Variants in MAP4K4 observed in about 807,000 individuals in gnomAD.
The protein encoded by MAP4K4 is mitogen-activated protein kinase kinase kinase kinase 4, also known as HPK/GCK-like kinase HGK.
Under a neutral mutation model 189.6 loss-of-function variants are expected in MAP4K4, and 38 were observed. The ratio of observed to expected loss-of-function variants is 0.20; its 90% CI spans 0.15 to 0.26. The LOEUF (loss-of-function observed/expected upper bound fraction) is 0.26. Ranked by LOEUF, MAP4K4 falls within the 10% of genes least tolerant of loss-of-function variation. MAP4K4 has a pLI of 1.00. For synonymous variants in MAP4K4, 610 were observed against 624.3 expected, an observed-to-expected ratio of 0.98 and a Z score of 0.34; for missense variants, 1,054 against 1,726.9, an observed-to-expected ratio of 0.61 and a Z score of 6.91.
chr2:101,819,238 A>C (rs2095894883), intron 3 of MAP4K4, among the ~76,000 whole-genome samples: 1 of 150,600 alleles, frequency 6.6e-6, no homozygotes, highest in African/African-American at 2.4e-5. Context: ...GTGTGTATGT[A>C]CTTAAGTGCT....
intron 2 of MAP4K4, among the ~76,000 whole-genome samples, chr2:101,747,414 G>C (rs796259764): frequency 3.9e-5 from 6 of 152,250 alleles, no homozygotes; most frequent in African/African-American, 1.4e-4. Context: ...CACCATGCCC[G>C]GCCTTGTGTC....
At chr2:101,765,312 T>C (rs748294484) in intron 2 of MAP4K4, among the ~76,000 whole-genome samples, 1 of 152,194 alleles carries the variant, frequency 6.6e-6, no homozygotes, top group Non-Finnish European at 1.5e-5. Context: ...CATGTGATAA[T>C]GGCAAGATAC....
intron 24 of MAP4K4, 39 bp downstream of exon 24, chr2:101,871,724 A>C: frequency 6.6e-7 from 1 of 1,520,578 alleles, no homozygotes; most frequent in Non-Finnish European, 8.8e-7. Context: ...TCCTGGGGTT[A>C]GACCAGCACT....
chr2:101,829,669 A>T (rs1461680870), intron 6 of MAP4K4, 75 bp downstream of exon 6: 1 of 1,016,022 alleles, frequency 9.8e-7, no homozygotes, highest in African/African-American at 1.6e-5. Flanking sequence ...TTCTGCTTCC[A>T]TCTAGCTAAA....
At chr2:101,701,146 G>C (rs1457321690) in intron 2 of MAP4K4, among the ~76,000 whole-genome samples, 5 of 152,116 alleles carry the variant, frequency 3.3e-5, no homozygotes, top group Non-Finnish European at 5.9e-5. Flanking sequence ...TGAACAACTT[G>C]TCCTAATTTA....
Position 101,866,431 on chromosome 2 carries a change from T to C in MAP4K4, c.2208T>C (p.Ser736=), listed in dbSNP as rs773330069. 47 of 1,611,162 alleles carry C rather than the reference T, an allele frequency of 2.9e-5. No individual in the cohort carries two copies. Among genetic ancestry groups the C allele is most frequent in the Non-Finnish European group, 3.8e-5 (45 of 1,177,754 alleles). ...CTCTCTTCTTCTTTTCTAACAGCAG[T>C]ATTGAGCCCAGGCTTCTGTGGGAGA... The change falls in exon 19 of 33, where the codon AGT becomes AGC. Residue 736 remains serine (S), a synonymous_variant. Coordinates refer to ENST00000324219, the Ensembl canonical transcript of MAP4K4.
chr2:101,854,201 A>G (rs888636695), intron 12 of MAP4K4, among the ~76,000 whole-genome samples: 2 of 152,208 alleles, frequency 1.3e-5, no homozygotes, highest in African/African-American at 4.8e-5. Flanking sequence ...AAGGAGTGTT[A>G]TGGTAGTGCA....
At chr2:101,808,523 T>A (rs1321420760) in intron 3 of MAP4K4, among the ~76,000 whole-genome samples, 1 of 151,098 alleles carries the variant, frequency 6.6e-6, no homozygotes, top group Non-Finnish European at 1.5e-5. Flanking sequence ...TAAAATGTAT[T>A]CCCCCTGTTA....
chr2:101,766,611 A>AT (rs11393348), intron 2 of MAP4K4, among the ~76,000 whole-genome samples: 32,372 of 145,172 alleles, frequency 0.22, 7,918 homozygotes, highest in African/African-American at 0.61. Flanking sequence ...TTTTGTCTTG[A>AT]TTTTTTTTTT....
At chr2:101,751,382 C>T (rs1437424056) in intron 2 of MAP4K4, among the ~76,000 whole-genome samples, 1 of 152,202 alleles carries the variant, frequency 6.6e-6, no homozygotes, top group Non-Finnish European at 1.5e-5. Context: ...CTGATCCTCT[C>T]CTGCTTCCCA....
At chr2:101,870,212 A>G in intron 22 of MAP4K4, 83 bp from the exon 23 acceptor site, 11 of 1,443,690 alleles carry the variant, frequency 7.6e-6, no homozygotes, top group Non-Finnish European at 8.5e-6. Flanking sequence ...TCATGTTTTG[A>G]TTTTGAGAAG....
chr2:101,886,152 G>C (rs1318588707), intron 29 of MAP4K4, among the ~76,000 whole-genome samples: 2 of 152,118 alleles, frequency 1.3e-5, no homozygotes, highest in Non-Finnish European at 2.9e-5. Flanking sequence ...AAGAGAATTG[G>C]TTATACAGTT....
At chr2:101,747,575 A>T (rs549910552) in intron 2 of MAP4K4, among the ~76,000 whole-genome samples, 21 of 152,196 alleles carry the variant, frequency 1.4e-4, no homozygotes, top group Non-Finnish European at 2.6e-4. Flanking sequence ...TTCTAATTAG[A>T]GAAGATCTGC....
At chr2:101,888,007 A>G in intron 31 of MAP4K4, 70 bp downstream of exon 31, 1 of 1,404,870 alleles carries the variant, frequency 7.1e-7, no homozygotes, top group South Asian at 1.5e-5. Flanking sequence ...TTTATTTATC[A>G]TGCTGATTTT....
At chr2:101,716,727 T>C (rs565308998) in intron 2 of MAP4K4, among the ~76,000 whole-genome samples, 1 of 152,296 alleles carries the variant, frequency 6.6e-6, no homozygotes, top group Non-Finnish European at 1.5e-5. Flanking sequence ...GTGGTGGCTC[T>C]TCTATCCATC....
At chr2:101,769,890 T>C (rs2080489343) in intron 2 of MAP4K4, among the ~76,000 whole-genome samples, 1 of 152,048 alleles carries the variant, frequency 6.6e-6, no homozygotes, top group Admixed American at 6.6e-5. Flanking sequence ...CCCAGAAATG[T>C]CTTGAGTCAT....
rs143489986 is a variant in MAP4K4, at chr2:101,780,143, A to G, written c.124-10577A>G. Among the ~76,000 whole-genome samples the G allele has an allele frequency of 3.3e-4, 51 of 152,302 alleles. No homozygotes were observed. In the South Asian group the frequency reaches 3.5e-3, roughly 11 times the overall value. ...AGTGTATTTTAGAGTTAGCTTCTTG[A>G]AGTGCTGAGAAAGAAGTTAAGAATC... On this transcript the variant is annotated intron_variant, in intron 2 of 32. Transcript: ENST00000324219.
chr2:101,853,834 A>G (rs964640790), intron 12 of MAP4K4, among the ~76,000 whole-genome samples: 4 of 152,182 alleles, frequency 2.6e-5, no homozygotes, highest in African/African-American at 9.7e-5. Context: ...TGTACTAAGT[A>G]TCAAGAATCT....
chr2:101,699,182 A>T (rs2036635612), intron 2 of MAP4K4, among the ~76,000 whole-genome samples: 1 of 152,250 alleles, frequency 6.6e-6, no homozygotes, highest in Non-Finnish European at 1.5e-5. Context: ...TAATTGAAAC[A>T]GAAATGACAG....
Sources: gnomAD v4.1 joint callset for allele counts (sites outside exome capture counted in the v4.1 genomes callset) on GRCh38, gnomAD v4.1.1 for gene constraint, MANE v1.5 for transcripts, NCBI Gene and HGNC (gene_info 2026-07-23, HGNC 2026-07-21) for gene names.